Variants in EPHA10 observed in about 807,000 individuals in gnomAD.
EPHA10 encodes the protein ephrin type-A receptor 10.
EPHA10 carries 120 observed loss-of-function variants against 109.7 expected under a neutral mutation model. The observed-to-expected ratio is 1.09, with a 90% confidence interval of 0.94 to 1.27. EPHA10 has a LOEUF of 1.27. Ranked by LOEUF, EPHA10 falls within the 50% of genes most tolerant of loss-of-function variation. EPHA10 has a pLI of 0.00. For synonymous variants in EPHA10, 640 were observed against 618.9 expected, an observed-to-expected ratio of 1.03 and a Z score of -0.51; for missense variants, 1,396 against 1,411.1, an observed-to-expected ratio of 0.99 and a Z score of 0.17.
At chr1:37,745,358 T>C (rs1363129149) in intron 5 of EPHA10, among the ~76,000 whole-genome samples, 3 of 152,232 alleles carry the variant, frequency 2.0e-5, no homozygotes, top group Admixed American at 6.5e-5. Flanking sequence ...CTAGGATGGC[T>C]ACTGTTTAAA....
At chr1:37,729,461 C>G (rs758631990) in intron 7 of EPHA10, among the ~76,000 whole-genome samples, 6 of 152,208 alleles carry the variant, frequency 3.9e-5, no homozygotes, top group Non-Finnish European at 8.8e-5. Flanking sequence ...GTGGCTCACA[C>G]CTGTAATCCT....
chr1:37,753,448 G>T (rs1480853252), intron 4 of EPHA10, among the ~76,000 whole-genome samples: 1 of 151,984 alleles, frequency 6.6e-6, no homozygotes, highest in African/African-American at 2.4e-5. Context: ...GGTCAGTCAG[G>T]GAGGAAGGTA....
chr1:37,718,947 G>T, intron 15 of EPHA10, 131 bp from the exon 16 acceptor site: 1 of 1,171,716 alleles, frequency 8.5e-7, no homozygotes, highest in Non-Finnish European at 1.2e-6. Flanking sequence ...GCTGGATCTG[G>T]CTCACATGAG....
intron 5 of EPHA10, among the ~76,000 whole-genome samples, chr1:37,745,572 G>A (rs1013345343): frequency 6.6e-6 from 1 of 152,162 alleles, no homozygotes; most frequent in Admixed American, 6.6e-5. Flanking sequence ...TTTCAAGCCA[G>A]GCATGGTGGC....
chr1:37,745,710 C>T (rs760887819), intron 5 of EPHA10, among the ~76,000 whole-genome samples: 17 of 152,176 alleles, frequency 1.1e-4, no homozygotes, highest in Middle Eastern at 3.4e-3. Flanking sequence ...ATTAGCCAGG[C>T]GTGGTGGCAC....
intron 5 of EPHA10, among the ~76,000 whole-genome samples, chr1:37,736,943 T>C (rs1569699011): frequency 1.3e-5 from 2 of 151,902 alleles, no homozygotes; most frequent in African/African-American, 4.8e-5. Flanking sequence ...CTGAAAGAAA[T>C]GAAATAAAAC....
chr1:37,753,238 C>A lies in EPHA10; in HGVS notation c.1007-12G>T. On this transcript the variant is annotated splice_polypyrimidine_tract_variant and intron_variant, in intron 4 of 16. Transcript: ENST00000373048. ...CGCCGACGGCGGCCCTGAGGCGGCA[C>A]AGGGGCGGGGCGGTCAGGGCGGGGC... The A allele has an allele frequency of 8.1e-7, 1 of 1,239,832 alleles. No individual in the cohort carries two copies. The highest frequency in any genetic ancestry group is 2.3e-5 in the South Asian group (1 of 43,302). The allele number at this position is 1,239,832 out of a possible 1,614,324, so 76.8% of individuals were successfully genotyped here. A position where few individuals can be genotyped will look rare whatever the true frequency, so the allele number is the denominator to read the frequency against.
chr1:37,740,966 A>G (rs183690306), intron 5 of EPHA10, among the ~76,000 whole-genome samples: 1 of 152,214 alleles, frequency 6.6e-6, no homozygotes, highest in Non-Finnish European at 1.5e-5. Context: ...AAGGAAGAGA[A>G]GCTTGACAAG....
chr1:37,718,141 G>C lies in EPHA10; in HGVS notation c.*231C>G. 1.8e-6 allele frequency: 1 copy of C among 540,688 alleles called. No homozygotes were observed. The highest frequency in any genetic ancestry group is 3.3e-6 in the Non-Finnish European group (1 of 306,818). The allele number at this position is 540,688 out of a possible 1,614,324, so 33.5% of individuals were successfully genotyped here. On this transcript the variant is annotated 3_prime_UTR_variant, in exon 17 of 17. Coordinates refer to ENST00000373048, the MANE Select transcript of EPHA10 (RefSeq NM_001099439.2). ...CTGTTATCTCAGGGGTCCTCCCTAGGGATTTGAACCTCTTTTCAGGGGCAC... is the reference window on the plus strand; with the variant it reads ...CTGTTATCTCAGGGGTCCTCCCTAGCGATTTGAACCTCTTTTCAGGGGCAC...
At chr1:37,730,582 G>A (rs999681090) in intron 7 of EPHA10, among the ~76,000 whole-genome samples, 21 of 152,118 alleles carry the variant, frequency 1.4e-4, no homozygotes, top group Non-Finnish European at 2.8e-4. Flanking sequence ...CGGAGAAGCC[G>A]GAGATGTTTT....
At chr1:37,737,663 G>C (rs1326054874) in intron 5 of EPHA10, among the ~76,000 whole-genome samples, 1 of 152,160 alleles carries the variant, frequency 6.6e-6, no homozygotes, top group African/African-American at 2.4e-5. Flanking sequence ...ACTCCTAGAA[G>C]AAAACACAGG....
In EPHA10 at chr1:37,754,173, C is replaced by T; in HGVS notation, c.1006+42G>A. On this transcript the variant is annotated intron_variant, in intron 4 of 16. Coordinates refer to ENST00000373048, the MANE Select transcript of EPHA10 (RefSeq NM_001099439.2). This position sits in a 1 kb window ranked among gnomAD's most constrained non-coding sequence, Gnocchi z 4.5. ...TCAGGCCTTCCTTCTTGGCCACTCC[C>T]ACCCCCCACCCTCCGCAGTGCAGCC... 1 of 1,264,540 alleles carries T rather than the reference C, an allele frequency of 7.9e-7. No homozygotes were observed. Among genetic ancestry groups the T allele is most frequent in the Admixed American group, 4.2e-5 (1 of 23,784 alleles). 78.3% of individuals were successfully genotyped at this position (1,264,540 alleles called of 1,614,324 possible).
In EPHA10 at chr1:37,735,265, A is replaced by T; in HGVS notation, c.1483T>A (p.Tyr495Asn). Residue 495 changes from tyrosine (Y) to asparagine (N), a missense_variant, in exon 6 of 17, where the codon TAC (tyrosine) becomes AAC (asparagine). By Grantham distance (143) the Tyr-to-Asn change is moderately radical (BLOSUM62 -2). Coordinates refer to ENST00000373048, the MANE Select transcript of EPHA10 (RefSeq NM_001099439.2). ...CCCAGACACGCACTCACCTTCTCGT[A>T]GTATCGGATCTCGTACTCCGTGTCA... ...ANDTEYEIRY[Y>N]EKGQSEQTYS... The T allele has an allele frequency of 6.4e-7, 1 of 1,566,996 alleles. No individual in the cohort carries two copies.
Position 37,718,575 on chromosome 1 carries a change from G to C in EPHA10, c.2912+86C>G, listed in dbSNP as rs556622163. On this transcript the variant is annotated intron_variant, in intron 16 of 16. Coordinates refer to ENST00000373048, the MANE Select transcript of EPHA10 (RefSeq NM_001099439.2). ...CCTCCACTCTCCCTCCGCTTCTCTG[G>C]ACAGGTTGGGACTCCCCAGTATAGG... is the stretch of plus-strand genomic sequence containing the variant. 7 of 1,611,690 alleles carry C rather than the reference G, an allele frequency of 4.3e-6. No homozygotes were observed. In the East Asian group the frequency reaches 8.9e-5, roughly 21 times the overall value.
chr1:37,756,984 C>T (rs1440187712), intron 3 of EPHA10, among the ~76,000 whole-genome samples: 2 of 152,150 alleles, frequency 1.3e-5, no homozygotes, highest in African/African-American at 4.8e-5. Context: ...GCTGTGCAAC[C>T]ATGCCTGGCT....
intron 6 of EPHA10, among the ~76,000 whole-genome samples, chr1:37,732,052 G>C (rs891166342): frequency 6.6e-6 from 1 of 152,232 alleles, no homozygotes; most frequent in Non-Finnish European, 1.5e-5. Flanking sequence ...TGTCCTGCAA[G>C]GCTCAGAGGA....
At position 37,720,124 on chromosome 1, in the gene EPHA10, G is replaced by A. The variant is rs1362753719; in HGVS notation, c.2413-66C>T. On this transcript the variant is annotated intron_variant, in intron 13 of 16. Coordinates refer to ENST00000373048, the MANE Select transcript of EPHA10 (RefSeq NM_001099439.2). ...GACACGCAGGTTTCCCCACCCCACT[G>A]AGCCCCAGATCCAGCCTGCATGTCA... The A allele has an allele frequency of 3.1e-6, 5 of 1,588,264 alleles. No individual in the cohort carries two copies. In the East Asian group the frequency reaches 9.0e-5, roughly 29 times the overall value.
chr1:37,748,022 G>A (rs1288863483), intron 5 of EPHA10, among the ~76,000 whole-genome samples: 1 of 152,084 alleles, frequency 6.6e-6, no homozygotes, highest in Middle Eastern at 3.2e-3. Context: ...TTCTAGGAAA[G>A]CACAAATTTA....
At chr1:37,720,664 A>C in intron 12 of EPHA10, 110 bp from the exon 13 acceptor site, 5 of 1,537,252 alleles carry the variant, frequency 3.3e-6, no homozygotes, top group Non-Finnish European at 4.4e-6. Flanking sequence ...CCCTGTGACC[A>C]CAGGTCAGCC....
Sources: allele counts gnomAD v4.1 joint callset (sites outside exome capture counted in the v4.1 genomes callset), GRCh38; gene constraint gnomAD v4.1.1; non-coding constraint Gnocchi (gnomAD v3.1); transcripts MANE v1.5; gene names NCBI Gene and HGNC (gene_info 2026-07-23, HGNC 2026-07-21).